ZFP41: variants seen among roughly 807,000 people sequenced by gnomAD.
ZFP41 encodes zinc finger protein 41 homolog.
In ZFP41, 10 loss-of-function variants were observed where a neutral mutation model predicts 11.6. That is an observed-to-expected ratio of 0.86 (90% confidence interval 0.53 to 1.47). The LOEUF (loss-of-function observed/expected upper bound fraction) is 1.47. Among genes scored for constraint, ZFP41 ranks in the 40% most tolerant of loss-of-function variants. The pLI is 0.00. For synonymous variants in ZFP41, 123 were observed against 100.9 expected (o/e 1.22, Z -1.31); for missense variants, 302 against 264.6 (o/e 1.14, Z -0.98).
chr8:143,257,033 A>T (rs886775736), intron 2 of ZFP41, among the ~76,000 whole-genome samples: 1 of 152,228 alleles, frequency 6.6e-6, no homozygotes, highest in African/African-American at 2.4e-5. Flanking sequence ...GAAAGATAAG[A>T]CACTTAAAAT....
rs1401978562 is a variant in ZFP41, at chr8:143,253,449, G to A, written c.*900+2109G>A. ...GCCTCAGCACCCACGGGGGACCACAGAAGGTTGGGGACCACTGCTTTAAAC... is the reference window on the plus strand; with the variant it reads ...GCCTCAGCACCCACGGGGGACCACAAAAGGTTGGGGACCACTGCTTTAAAC... On this transcript the variant is annotated intron_variant, in intron 2 of 2. Coordinates refer to ENST00000330701, the MANE Select transcript of ZFP41 (RefSeq NM_173832.6). 2.0e-5 allele frequency: 3 copies of A among 152,424 alleles called. No homozygotes were observed. In the East Asian group the frequency reaches 5.8e-4, roughly 29 times the overall value. The allele number at this position is 152,424 out of a possible 1,614,324, so 9.4% of individuals were successfully genotyped here.
Position 143,250,384 on chromosome 8 carries a change from GC to G in ZFP41, c.543del (p.Tyr182ThrfsTer92), listed in dbSNP as rs1176303878. The G allele has an allele frequency of 1.4e-5, 23 of 1,613,838 alleles. No homozygotes were observed. In the East Asian group the frequency reaches 5.1e-4, roughly 36 times the overall value. ...ATGCACGCACTGTGGGAAAGCCTTT[GC>G]CTACAGCTCCTGTCTCATCCGCCAT... ...YECTHCGKAF[A>X]YSSCLIRHQK... is the part of the protein sequence containing the mutation. On this transcript the variant is annotated frameshift_variant, in exon 2 of 3. Coordinates refer to ENST00000330701, the MANE Select transcript of ZFP41 (RefSeq NM_173832.6). LOFTEE classifies it high-confidence loss of function.
At position 143,250,435 on chromosome 8, in the gene ZFP41, C is replaced by G. The variant is rs759358477; in HGVS notation, c.592C>G (p.Pro198Ala). ...TCAGAAACGCCACCCTCGGAAGAAGCCCTGAGCCGGGGCCATCTGCGGACT... is the reference window on the plus strand; with the variant it reads ...TCAGAAACGCCACCCTCGGAAGAAGGCCTGAGCCGGGGCCATCTGCGGACT... ...RHQKRHPRKK[P>A] Residue 198 changes from proline to alanine, a missense_variant, in exon 2 of 3, where the codon CCC (proline) becomes GCC (alanine). Physicochemically the swap from Pro to Ala is conservative, Grantham distance 27. Transcript: ENST00000330701. 1.2e-6 allele frequency: 2 copies of G among 1,608,568 alleles called. No homozygotes were observed. Among genetic ancestry groups the G allele is most frequent in the African/African-American group, 2.7e-5 (2 of 74,836 alleles).
intron 2 of ZFP41, among the ~76,000 whole-genome samples, chr8:143,258,695 G>A (rs966377239): frequency 7.2e-5 from 11 of 152,298 alleles, no homozygotes; most frequent in African/African-American, 2.6e-4. Context: ...GAACAACGCA[G>A]CGAGACCCCA....
chr8:143,257,463 C>G (rs760607373), intron 2 of ZFP41, among the ~76,000 whole-genome samples: 1 of 152,174 alleles, frequency 6.6e-6, no homozygotes, highest in Non-Finnish European at 1.5e-5. Context: ...CGCCATTGCA[C>G]TCCAGCTCAG....
intron 2 of ZFP41, chr8:143,252,738 C>A: frequency 1.5e-6 from 1 of 650,762 alleles, no homozygotes; most frequent in Non-Finnish European, 1.9e-6. Context: ...CCAGTCTTCC[C>A]GTGGGGCTCC....
In ZFP41 at chr8:143,260,772, C is replaced by T. The variant is rs930326048; in HGVS notation, c.*1898C>T. The T allele has an allele frequency of 2.2e-5, 4 of 184,596 alleles. No homozygotes were observed. Among genetic ancestry groups the T allele is most frequent in the Non-Finnish European group, 4.6e-5 (4 of 87,272 alleles). The allele number at this position is 184,596 out of a possible 1,614,324, so 11.4% of individuals were successfully genotyped here. A position where few individuals can be genotyped will look rare whatever the true frequency, so the allele number is the denominator to read the frequency against. On this transcript the variant is annotated 3_prime_UTR_variant, in exon 3 of 3. Transcript: ENST00000330701. ...CCAGAGGGCTGCCCTGACCAGCGGG[C>T]ACCATCCTCCCAGCCCCACTCAGCT...
Position 143,260,411 on chromosome 8 carries a change from T to C in ZFP41, c.*1537T>C, listed in dbSNP as rs35804293. On this transcript the variant is annotated 3_prime_UTR_variant, in exon 3 of 3. Coordinates refer to ENST00000330701, the MANE Select transcript of ZFP41 (RefSeq NM_173832.6). ...GCTCCTGACTCCGGTGAGGTCACCCTGGAGGGGAGTCCCAGGAATCAGCCT... is the reference window on the plus strand; with the variant it reads ...GCTCCTGACTCCGGTGAGGTCACCCCGGAGGGGAGTCCCAGGAATCAGCCT... 0.057 allele frequency: 8,989 copies of C among 157,198 alleles called. 322 individuals are homozygous for C. Among genetic ancestry groups the C allele is most frequent in the East Asian group, 0.074 (386 of 5,196 alleles). 9.7% of individuals were successfully genotyped at this position (157,198 alleles called of 1,614,324 possible).
Position 143,250,691 on chromosome 8 carries a change from G to A in ZFP41, c.*251G>A. Reference sequence around the variant, plus strand: ...GAGAAGCCACCAGAGGCTCCTTGCAGCCACAGAGCATTTTCCAAGTTCCCG... The same window carrying A: ...GAGAAGCCACCAGAGGCTCCTTGCAACCACAGAGCATTTTCCAAGTTCCCG... On this transcript the variant is annotated 3_prime_UTR_variant, in exon 2 of 3. Coordinates refer to ENST00000330701, the MANE Select transcript of ZFP41 (RefSeq NM_173832.6). The A allele has an allele frequency of 1.7e-6, 1 of 595,462 alleles. No homozygotes were observed. The highest frequency in any genetic ancestry group is 3.2e-5 in the Admixed American group (1 of 31,632). The allele number at this position is 595,462 out of a possible 1,614,324, so 36.9% of individuals were successfully genotyped here. A position where few individuals can be genotyped will look rare whatever the true frequency, so the allele number is the denominator to read the frequency against.
In ZFP41 at chr8:143,261,841, AGCCCCTGCCCGCACCCGCACCCCT is replaced by A. The variant is rs1383836800; in HGVS notation, c.*2970_*2993del. The A allele has an allele frequency of 3.6e-3, 564 of 156,392 alleles. 20 individuals carry two copies. Among genetic ancestry groups the A allele is most frequent in the East Asian group, 4.9e-3 (22 of 4,512 alleles). 9.7% of individuals were successfully genotyped at this position (156,392 alleles called of 1,614,324 possible). On this transcript the variant is annotated 3_prime_UTR_variant, in exon 3 of 3. Coordinates refer to ENST00000330701, the MANE Select transcript of ZFP41 (RefSeq NM_173832.6). ...TGCACCTGCCACGCCTGTCTCCGGC[AGCCCCTGCCCGCACCCGCACCCCT>A]GCACCTGCCACGCCCGTCTCCGGCA...
chr8:143,254,728 G>C (rs562249540), intron 2 of ZFP41, among the ~76,000 whole-genome samples: 1 of 148,690 alleles, frequency 6.7e-6, no homozygotes, highest in East Asian at 2.0e-4. Context: ...CACCTCCCGC[G>C]GTCAAGCGAT....
At position 143,250,842 on chromosome 8, in the gene ZFP41, G is replaced by A. The variant is rs1006740175; in HGVS notation, c.*402G>A. The A allele has an allele frequency of 7.4e-5, 17 of 229,022 alleles. No homozygotes were observed. Among genetic ancestry groups the A allele is most frequent in the African/African-American group, 1.3e-4 (6 of 44,582 alleles). The allele number at this position is 229,022 out of a possible 1,614,324, so 14.2% of individuals were successfully genotyped here. ...TGTAGTGGGCAGCCCAGCACTTCCCGCTGCTGCCTGCCTGTGATGTCCACT... is the reference window on the plus strand; with the variant it reads ...TGTAGTGGGCAGCCCAGCACTTCCCACTGCTGCCTGCCTGTGATGTCCACT... On this transcript the variant is annotated 3_prime_UTR_variant, in exon 2 of 3. Coordinates refer to ENST00000330701, the MANE Select transcript of ZFP41 (RefSeq NM_173832.6).
chr8:143,256,421 G>A (rs539347008), intron 2 of ZFP41, among the ~76,000 whole-genome samples: 61 of 152,006 alleles, frequency 4.0e-4, no homozygotes, highest in Middle Eastern at 3.4e-3. Flanking sequence ...CCGCGTGCTG[G>A]TGTTAGTGAG....
intron 2 of ZFP41, among the ~76,000 whole-genome samples, chr8:143,254,629 A>AT (rs1440847575): frequency 3.5e-5 from 4 of 113,934 alleles, no homozygotes; most frequent in East Asian, 6.2e-4. Flanking sequence ...AGGGAGCGTT[A>AT]CTTTTTTTTT....
rs1337191889 is a variant in ZFP41, at chr8:143,250,284, G to A, written c.441G>A (p.Glu147=). ...HTGEKPFKCG[E]CGKAFNCGSN... Reference sequence around the variant, plus strand: ...GAGAGAAGCCCTTCAAATGCGGGGAGTGCGGGAAAGCCTTTAACTGCGGCT... The same window carrying A: ...GAGAGAAGCCCTTCAAATGCGGGGAATGCGGGAAAGCCTTTAACTGCGGCT... Residue 147 remains glutamate, a synonymous_variant, in exon 2 of 3, where the codon GAG becomes GAA. Transcript: ENST00000330701. 1 of 1,614,004 alleles carries A rather than the reference G, an allele frequency of 6.2e-7. No individual in the cohort carries two copies. Among genetic ancestry groups the A allele is most frequent in the Non-Finnish European group, 8.5e-7 (1 of 1,180,052 alleles).
In ZFP41 at chr8:143,250,349, AGCCCTACGAATGCAC is replaced by A. The variant is rs746045895; in HGVS notation, c.509_523del (p.Pro170_Thr174del). 16 of 1,614,022 alleles carry A rather than the reference AGCCCTACGAATGCAC, an allele frequency of 9.9e-6. No individual in the cohort carries two copies. The East Asian group carries it at 1.8e-4, about 18-fold the overall frequency. ...CATCAGAAGACGCACACCGGGGAGA[AGCCCTACGAATGCAC>A]GCACTGTGGGAAAGCCTTTGCCTAC... On this transcript the variant is annotated inframe_deletion, in exon 2 of 3. Transcript: ENST00000330701.
intron 2 of ZFP41, among the ~76,000 whole-genome samples, chr8:143,258,012 A>G (rs1000283836): frequency 1.3e-5 from 2 of 152,210 alleles, no homozygotes; most frequent in Non-Finnish European, 1.5e-5. Context: ...ACTCATACAC[A>G]TATACATGAA....
rs150709598 is a variant in ZFP41, at chr8:143,262,139, C to T, written c.*3265C>T. On this transcript the variant is annotated 3_prime_UTR_variant, in exon 3 of 3. Transcript: ENST00000330701. ...CACACCCGCACCCCTGCACCTCCCA[C>T]GCCCGTCTTGCCCTGGGGCCCAGGT... 0.022 allele frequency: 3,803 copies of T among 171,524 alleles called. 105 individuals carry two copies. Among genetic ancestry groups the T allele is most frequent in the Middle Eastern group, 0.044 (17 of 388 alleles). The allele number at this position is 171,524 out of a possible 1,614,324, so 10.6% of individuals were successfully genotyped here.
rs762255798 is a variant in ZFP41, at chr8:143,251,720, G to A, written c.*900+380G>A. On this transcript the variant is annotated intron_variant, in intron 2 of 2. Coordinates refer to ENST00000330701, the MANE Select transcript of ZFP41 (RefSeq NM_173832.6). ...AGAGCAGTCCTGTCTGGGTGGAAAC[G>A]TTTACTGGGTTAACACATTTTTCCT... 6.6e-5 allele frequency among the ~76,000 whole-genome samples: 10 copies of A among 152,200 alleles called. No homozygotes were observed. In the East Asian group the frequency reaches 1.3e-3, roughly 21 times the overall value.
Sources: allele counts gnomAD v4.1 joint callset (sites outside exome capture counted in the v4.1 genomes callset), GRCh38; gene constraint gnomAD v4.1.1; transcripts MANE v1.5; gene names NCBI Gene and HGNC (gene_info 2026-07-23, HGNC 2026-07-21).